NRG3: variants seen among roughly 807,000 people sequenced by gnomAD.
The protein encoded by NRG3 is pro-neuregulin-3, membrane-bound isoform.
In NRG3, 31 loss-of-function variants were observed where a neutral mutation model predicts 66.9. That is an observed-to-expected ratio of 0.46 (90% CI 0.35 to 0.63). NRG3 has a LOEUF of 0.63. NRG3 is among the 20% of genes least tolerant of loss of function. The probability of loss-of-function intolerance (pLI) is 0.00; values close to 1 mark genes in which losing one functional copy is unlikely to be tolerated. For synonymous variants in NRG3, 393 were observed against 359.4 expected, an observed-to-expected ratio of 1.09 and a Z score of -1.06; for missense variants, 910 against 878.9, an observed-to-expected ratio of 1.04 and a Z score of -0.45.
At chr10:82,592,738 T>C (rs1368265206) in intron 2 of NRG3, among the ~76,000 whole-genome samples, 2 of 152,240 alleles carry the variant, frequency 1.3e-5, no homozygotes, top group East Asian at 3.9e-4. Context: ...CTTGTGGAGA[T>C]TGGAGGAAAT....
chr10:82,858,914 C>G (rs1317424321), intron 3 of NRG3, among the ~76,000 whole-genome samples: 1 of 151,050 alleles, frequency 6.6e-6, no homozygotes, highest in Non-Finnish European at 1.5e-5. Flanking sequence ...AGCAGAGAAG[C>G]CCATTTAACT....
At chr10:82,807,085 C>T (rs1008485242) in intron 3 of NRG3, among the ~76,000 whole-genome samples, 1 of 152,192 alleles carries the variant, frequency 6.6e-6, no homozygotes, top group African/African-American at 2.4e-5. Context: ...AGAAAGTCAC[C>T]ATCCCAACAT....
intron 5 of NRG3, among the ~76,000 whole-genome samples, chr10:82,954,261 G>A (rs1298567891): frequency 1.3e-5 from 2 of 151,904 alleles, no homozygotes; most frequent in African/African-American, 4.9e-5. Context: ...ATAATGTGTA[G>A]TTGTACCACA....
intron 4 of NRG3, among the ~76,000 whole-genome samples, chr10:82,875,435 G>A (rs2136015972): frequency 6.6e-6 from 1 of 152,200 alleles, no homozygotes. Context: ...GTGGCTCATT[G>A]CAGTCTTGAC....
intron 2 of NRG3, among the ~76,000 whole-genome samples, chr10:82,662,133 A>G (rs1445832239): frequency 6.6e-6 from 1 of 152,218 alleles, no homozygotes; most frequent in Non-Finnish European, 1.5e-5. Context: ...CTAAAGTAAT[A>G]GATTCATATT....
chr10:82,409,549 T>C (rs1008981790), intron 2 of NRG3, among the ~76,000 whole-genome samples: 1 of 152,124 alleles, frequency 6.6e-6, no homozygotes. Context: ...GGGATAAAAA[T>C]GTGTCCATTA....
intron 2 of NRG3, among the ~76,000 whole-genome samples, chr10:82,551,764 A>G (rs1456202700): frequency 1.3e-5 from 2 of 151,862 alleles, no homozygotes; most frequent in African/African-American, 4.8e-5. Flanking sequence ...TCTCAAACCC[A>G]CCTACCTCTC....
intron 2 of NRG3, among the ~76,000 whole-genome samples, chr10:82,395,172 C>T (rs984156179): frequency 4.6e-5 from 7 of 152,144 alleles, no homozygotes; most frequent in African/African-American, 7.2e-5. Context: ...AAGTACAACG[C>T]GTAAATGCAA....
chr10:81,969,357 A>G (rs1004891731), intron 1 of NRG3, among the ~76,000 whole-genome samples: 2 of 152,226 alleles, frequency 1.3e-5, no homozygotes, highest in Non-Finnish European at 2.9e-5. Flanking sequence ...ATGCAAATCA[A>G]TGTCTTGTTC....
chr10:82,089,889 C>T (rs116603330), intron 1 of NRG3, among the ~76,000 whole-genome samples: 1 of 152,162 alleles, frequency 6.6e-6, no homozygotes, highest in Non-Finnish European at 1.5e-5. Context: ...ATTGGTCTAG[C>T]CTTCTAGGCT....
chr10:82,975,219 C>T (rs896661402), intron 7 of NRG3, among the ~76,000 whole-genome samples: 2 of 152,120 alleles, frequency 1.3e-5, no homozygotes, highest in Admixed American at 6.6e-5. Flanking sequence ...CCAGTCTTTT[C>T]GAAGACAGAT....
At chr10:82,304,789 A>G (rs578091580) in intron 1 of NRG3, among the ~76,000 whole-genome samples, 2 of 152,184 alleles carry the variant, frequency 1.3e-5, no homozygotes, top group East Asian at 3.9e-4. Context: ...ACATCTGGGA[A>G]ATTCTTTTAC....
chr10:82,891,934 A>T (rs920457592), intron 4 of NRG3, among the ~76,000 whole-genome samples: 3 of 152,032 alleles, frequency 2.0e-5, no homozygotes, highest in Non-Finnish European at 2.9e-5. Flanking sequence ...GCAGTAAGAA[A>T]GTTTCCCTTC....
intron 1 of NRG3, among the ~76,000 whole-genome samples, chr10:82,067,650 T>C (rs2064561555): frequency 6.6e-6 from 1 of 152,170 alleles, no homozygotes; most frequent in Non-Finnish European, 1.5e-5. Context: ...ACCTGGCCTG[T>C]CTGTTTGCAC....
At chr10:82,839,541 TA>T (rs1463191535) in intron 3 of NRG3, among the ~76,000 whole-genome samples, 2 of 151,796 alleles carry the variant, frequency 1.3e-5, no homozygotes, top group Admixed American at 6.6e-5. Flanking sequence ...TTTTCTTTTA[TA>T]TTTTTTAATC....
chr10:82,305,612 TTTTA>T (rs1489688083), intron 1 of NRG3, among the ~76,000 whole-genome samples: 1 of 152,090 alleles, frequency 6.6e-6, no homozygotes. Context: ...GGTTCTTATG[TTTTA>T]TTTGTTTTGA....
intron 2 of NRG3, among the ~76,000 whole-genome samples, chr10:82,615,460 A>C (rs573806427): frequency 6.6e-6 from 1 of 152,212 alleles, no homozygotes; most frequent in Non-Finnish European, 1.5e-5. Flanking sequence ...AATGTTTACT[A>C]TTGCCCTTTT....
chr10:82,559,541 G>A (rs1255837483), intron 2 of NRG3, among the ~76,000 whole-genome samples: 2 of 152,158 alleles, frequency 1.3e-5, no homozygotes, highest in Non-Finnish European at 2.9e-5. Context: ...GTCTTAGTAT[G>A]AACAAGGGTT....
chr10:82,117,241 C>T (rs1315455487), intron 1 of NRG3, among the ~76,000 whole-genome samples: 1 of 152,084 alleles, frequency 6.6e-6, no homozygotes, highest in Non-Finnish European at 1.5e-5. Context: ...AGCTCTTGGC[C>T]ACATTTGTAC....
Sources: allele counts gnomAD v4.1 joint callset (sites outside exome capture counted in the v4.1 genomes callset), GRCh38; gene constraint gnomAD v4.1.1; transcripts MANE v1.5; gene names NCBI Gene and HGNC (gene_info 2026-07-23, HGNC 2026-07-21).